The following ACSM1 variants were observed in gnomAD, a reference collection of about 807,000 sequenced individuals.
ACSM1 encodes the protein acyl-CoA synthetase medium chain family member 1.
In ACSM1, 79 loss-of-function variants were observed where a neutral mutation model predicts 75.8. The ratio of observed to expected loss-of-function variants is 1.04; its 90% CI spans 0.87 to 1.26. The LOEUF is 1.26. ACSM1 is among the 50% of genes most tolerant of loss of function. ACSM1 has a pLI of 0.00. For missense variants in ACSM1, 676 were observed against 720.1 expected, an observed-to-expected ratio of 0.94 and a Z score of 0.70; for synonymous variants, 279 against 265.8, an observed-to-expected ratio of 1.05 and a Z score of -0.48.
intron 4 of ACSM1, among the ~76,000 whole-genome samples, chr16:20,675,202 C>T (rs910344523): frequency 3.3e-5 from 5 of 152,040 alleles, no homozygotes; most frequent in Non-Finnish European, 5.9e-5. Context: ...TAACTAGGCT[C>T]ACCCGGGACA....
intron 6 of ACSM1, among the ~76,000 whole-genome samples, chr16:20,666,421 G>A (rs1259890954): frequency 6.6e-6 from 1 of 152,064 alleles, no homozygotes; most frequent in Non-Finnish European, 1.5e-5. Context: ...TCTAACCAAG[G>A]AGGTGAAAGA....
chr16:20,643,752 T>A lies in ACSM1; in HGVS notation c.993-3168A>T, dbSNP rs553210143. 5.0e-4 allele frequency among the ~76,000 whole-genome samples: 76 copies of A among 152,328 alleles called. 1 individual carries two copies. The highest frequency in any genetic ancestry group is 1.4e-3 in the South Asian group (7 of 4,828). ...ATTGCTCCATTTTACAGAGTGCTGATTGGTGCATTTACAATCCTTTAGCTA... is the reference window on the plus strand; with the variant it reads ...ATTGCTCCATTTTACAGAGTGCTGAATGGTGCATTTACAATCCTTTAGCTA... On this transcript the variant is annotated intron_variant, in intron 7 of 13. Transcript: ENST00000520010.
intron 7 of ACSM1, among the ~76,000 whole-genome samples, chr16:20,656,204 A>G (rs2018949683): frequency 6.6e-6 from 1 of 152,136 alleles, no homozygotes; most frequent in African/African-American, 2.4e-5. Flanking sequence ...TGCCTGTTAT[A>G]TCTCTATATT....
chr16:20,627,088 AGG>A, intron 11 of ACSM1, 99 bp downstream of exon 11: 1 of 1,417,114 alleles, frequency 7.1e-7, no homozygotes, highest in Non-Finnish European at 9.3e-7. Flanking sequence ...ATTCAGATTT[AGG>A]CTGAAATTTC....
intron 7 of ACSM1, among the ~76,000 whole-genome samples, chr16:20,661,026 G>GT (rs2019270860): frequency 1.3e-5 from 2 of 152,144 alleles, no homozygotes; most frequent in African/African-American, 2.4e-5. Context: ...GTATTGTGTT[G>GT]TATCAGTGTG....
chr16:20,673,429 C>T (rs2020079816), intron 4 of ACSM1, among the ~76,000 whole-genome samples: 1 of 152,132 alleles, frequency 6.6e-6, no homozygotes, highest in African/African-American at 2.4e-5. Context: ...TGACATTAGA[C>T]TACAGCATAA....
intron 10 of ACSM1, among the ~76,000 whole-genome samples, chr16:20,629,046 A>G (rs979652034): frequency 6.6e-6 from 1 of 152,202 alleles, no homozygotes; most frequent in African/African-American, 2.4e-5. Context: ...GTTGATTCTT[A>G]GTTTAGTGCT....
intron 10 of ACSM1, among the ~76,000 whole-genome samples, chr16:20,630,788 T>C (rs1309553701): frequency 2.0e-5 from 3 of 152,190 alleles, no homozygotes; most frequent in Non-Finnish European, 4.4e-5. Flanking sequence ...AGAGAAGTAT[T>C]AATTAACTTT....
At chr16:20,650,957 G>A (rs950747623) in intron 7 of ACSM1, among the ~76,000 whole-genome samples, 1 of 152,080 alleles carries the variant, frequency 6.6e-6, no homozygotes, top group African/African-American at 2.4e-5. Context: ...ACCGCTTTTT[G>A]CAAGCTGGCA....
At chr16:20,694,364 C>A (rs2079678672) in intron 1 of ACSM1, among the ~76,000 whole-genome samples, 1 of 152,196 alleles carries the variant, frequency 6.6e-6, no homozygotes, top group Non-Finnish European at 1.5e-5. Flanking sequence ...AATGGCCTTG[C>A]TGAGTAAATT....
intron 2 of ACSM1, among the ~76,000 whole-genome samples, chr16:20,685,841 A>C (rs1433764303): frequency 1.6e-5 from 2 of 123,580 alleles, no homozygotes; most frequent in African/African-American, 5.2e-5. Flanking sequence ...ACAAACAAAA[A>C]AAAAACAAAA....
intron 4 of ACSM1, among the ~76,000 whole-genome samples, chr16:20,673,088 A>C (rs990478553): frequency 1.4e-5 from 2 of 146,752 alleles, no homozygotes; most frequent in African/African-American, 5.0e-5. Context: ...TATATAAATT[A>C]TACTTATATA....
At chr16:20,627,940 T>A (rs1226254266) in intron 10 of ACSM1, among the ~76,000 whole-genome samples, 1 of 135,292 alleles carries the variant, frequency 7.4e-6, no homozygotes, top group Non-Finnish European at 1.6e-5. Flanking sequence ...TGTGTGACAC[T>A]ACACTAGAAT....
intron 11 of ACSM1, among the ~76,000 whole-genome samples, chr16:20,626,752 C>T (rs982830928): frequency 6.6e-6 from 1 of 151,660 alleles, no homozygotes; most frequent in African/African-American, 2.4e-5. Flanking sequence ...TTATTATGCT[C>T]ATAGATGTAT....
At chr16:20,645,388 A>C (rs1195753523) in intron 7 of ACSM1, among the ~76,000 whole-genome samples, 1 of 152,104 alleles carries the variant, frequency 6.6e-6, no homozygotes, top group Non-Finnish European at 1.5e-5. Flanking sequence ...CCAAGGCAAA[A>C]ACACCCCTAA....
In ACSM1 at chr16:20,669,965, C is replaced by T. The variant is rs143088046; in HGVS notation, c.774G>A (p.Lys258=). The T allele has an allele frequency of 5.0e-6, 8 of 1,613,684 alleles. No individual in the cohort carries two copies. In the African/African-American group the frequency reaches 9.3e-5, roughly 19 times the overall value. Residue 258 remains lysine (K), a synonymous_variant, in exon 6 of 14, where the codon AAG becomes AAA. Coordinates refer to ENST00000520010, the MANE Select transcript of ACSM1 (RefSeq NM_001318890.3). The stretch of plus-strand genomic sequence containing the variant: ...ACAGGCACCAGGAGACATCAGATGT[C>T]TTCAGGCTCCGTAATTTCCTACTAA... ...FPGSRKLRSL[K]TSDVSWCLSD...
chr16:20,688,426 A>G (rs1024782745), intron 2 of ACSM1, among the ~76,000 whole-genome samples: 2 of 152,138 alleles, frequency 1.3e-5, no homozygotes, highest in African/African-American at 4.8e-5. Flanking sequence ...AATTTGAGAC[A>G]ATGCATGGTA....
chr16:20,627,875 T>C (rs56112927), intron 10 of ACSM1, among the ~76,000 whole-genome samples: 864 of 9,030 alleles, frequency 0.096, 40 homozygotes, highest in Non-Finnish European at 0.18. Context: ...TATACATATA[T>C]ATATATATAT....
intron 9 of ACSM1, 132 bp from the exon 10 acceptor site, chr16:20,636,972 A>G (rs2017755549): frequency 4.2e-6 from 3 of 710,678 alleles, no homozygotes; most frequent in East Asian, 2.6e-5. Flanking sequence ...AAAATGGAAT[A>G]AAACTGTCAA....
Sources: allele counts gnomAD v4.1 joint callset (sites outside exome capture counted in the v4.1 genomes callset), GRCh38; gene constraint gnomAD v4.1.1; transcripts MANE v1.5; gene names NCBI Gene and HGNC (gene_info 2026-07-23, HGNC 2026-07-21).